The following FAF1 variants were observed in gnomAD, a reference collection of about 807,000 sequenced individuals.
The protein encoded by FAF1 is Fas associated factor 1, also known as FAS-associated factor 1.
A neutral mutation model predicts 92.5 loss-of-function variants in FAF1; 25 were observed. The ratio of observed to expected loss-of-function variants is 0.27; its 90% CI spans 0.20 to 0.38. FAF1 has a LOEUF of 0.38. Among genes scored for constraint, FAF1 ranks in the 10% least tolerant of loss-of-function variants. The pLI is 1.00. For synonymous variants in FAF1, 234 were observed against 273.2 expected (o/e 0.86, Z 1.42); for missense variants, 636 against 793.3 (o/e 0.80, Z 2.38).
intron 13 of FAF1, among the ~76,000 whole-genome samples, chr1:50,546,305 T>C (rs1649013344): frequency 6.6e-6 from 1 of 152,186 alleles, no homozygotes; most frequent in East Asian, 1.9e-4. Flanking sequence ...AAGGAAGGTA[T>C]TAAATTGTGT....
rs568007312 is a variant in FAF1 at position 50,732,046 on chromosome 1, G to T, written c.551+6817C>A. On this transcript the variant is annotated intron_variant, in intron 6 of 18. Coordinates refer to ENST00000396153, the MANE Select transcript of FAF1 (RefSeq NM_007051.3). ...AAAATCTTCTATAGCTGACAAAGAT[G>T]TATTGCTAAATACATTATTATTATT... Among the ~76,000 whole-genome samples, 5 of 151,938 alleles carry T rather than the reference G, an allele frequency of 3.3e-5. No individual in the cohort carries two copies. In the East Asian group the frequency reaches 9.7e-4, roughly 29 times the overall value.
At chr1:50,765,527 GA>G (rs889763702) in intron 4 of FAF1, among the ~76,000 whole-genome samples, 1 of 151,726 alleles carries the variant, frequency 6.6e-6, no homozygotes, top group African/African-American at 2.4e-5. Context: ...TCCATTCAGA[GA>G]AAAAAAATGT....
intron 5 of FAF1, among the ~76,000 whole-genome samples, chr1:50,741,227 A>T (rs1349849831): frequency 6.6e-6 from 1 of 152,180 alleles, no homozygotes. Flanking sequence ...AAAAAGAGAC[A>T]CCCATGTGAA....
At chr1:50,838,043 G>A (rs550885438) in intron 2 of FAF1, among the ~76,000 whole-genome samples, 21 of 152,094 alleles carry the variant, frequency 1.4e-4, no homozygotes, top group Middle Eastern at 6.8e-3. Flanking sequence ...GCGCCTGGCT[G>A]GATGCTCCTT....
At chr1:50,872,064 CAA>C (rs200142842) in intron 1 of FAF1, among the ~76,000 whole-genome samples, 2,495 of 65,436 alleles carry the variant, frequency 0.038, 53 homozygotes, top group African/African-American at 0.12. Flanking sequence ...GACTCCATCT[CAA>C]AAAAAAAAAA....
At chr1:50,739,113 A>G (rs780478489) in intron 5 of FAF1, among the ~76,000 whole-genome samples, 159 bp from the exon 6 acceptor site, 3 of 151,944 alleles carry the variant, frequency 2.0e-5, no homozygotes, top group African/African-American at 4.8e-5. Flanking sequence ...AATCCAAGTA[A>G]CCTTATTGCC....
intron 2 of FAF1, among the ~76,000 whole-genome samples, chr1:50,831,387 A>G (rs990399711): frequency 1.3e-5 from 2 of 152,126 alleles, no homozygotes; most frequent in African/African-American, 4.8e-5. Flanking sequence ...CAAATATAGA[A>G]TCTGTCTTCT....
At chr1:50,840,961 T>A (rs1055684336) in intron 2 of FAF1, among the ~76,000 whole-genome samples, 3 of 152,054 alleles carry the variant, frequency 2.0e-5, no homozygotes, top group African/African-American at 7.2e-5. Context: ...CTGGTACTGA[T>A]GCCACATACT....
At chr1:50,868,679 A>G (rs2124677771) in intron 1 of FAF1, among the ~76,000 whole-genome samples, 1 of 152,286 alleles carries the variant, frequency 6.6e-6, no homozygotes, top group African/African-American at 2.4e-5. Flanking sequence ...TGTATTTGGA[A>G]GAATGTTACT....
chr1:50,948,308 C>T (rs1645186469), intron 1 of FAF1, among the ~76,000 whole-genome samples: 1 of 152,144 alleles, frequency 6.6e-6, no homozygotes, highest in Non-Finnish European at 1.5e-5. Flanking sequence ...GTAATTTATA[C>T]AGAAAAGAGG....
At chr1:50,732,134 G>C (rs534265393) in intron 6 of FAF1, among the ~76,000 whole-genome samples, 170 of 152,150 alleles carry the variant, frequency 1.1e-3, no homozygotes, top group African/African-American at 3.7e-3. Context: ...GAGTGCAATA[G>C]CCCGATCTCA....
At chr1:50,764,606 G>A (rs1660492427) in intron 4 of FAF1, among the ~76,000 whole-genome samples, 1 of 152,164 alleles carries the variant, frequency 6.6e-6, no homozygotes, top group South Asian at 2.1e-4. Flanking sequence ...GGCTCACCTT[G>A]CTTGTTTCCC....
Position 50,744,701 on chromosome 1 carries a change from C to T in FAF1, c.442G>A (p.Gly148Arg), listed in dbSNP as rs1659518132. The T allele has an allele frequency of 6.2e-7, 1 of 1,607,244 alleles. No individual in the cohort carries two copies. The highest frequency in any genetic ancestry group is 1.3e-5 in the African/African-American group (1 of 74,692). The change falls in exon 5 of 19, where the codon GGA (glycine) becomes AGA (arginine). Residue 148 changes from glycine (G) to arginine (R), a missense_variant. Gly to Arg is a moderately radical substitution (Grantham distance 125). Transcript: ENST00000396153. ...SKMLLKGWKT[G>R]DVEDSTVLKS... ...AAACTCACACTGTCTTCCACATCTC[C>T]CGTCTTCCAGCCTTTTAACAGCATT...
chr1:50,550,878 A>G (rs1649279372), intron 13 of FAF1, among the ~76,000 whole-genome samples: 1 of 152,242 alleles, frequency 6.6e-6, no homozygotes, highest in Non-Finnish European at 1.5e-5. Context: ...TTATGATTCC[A>G]TATGTCAGAA....
In FAF1 at chr1:50,710,443, C is replaced by T. The variant is rs977017732; in HGVS notation, c.552-4552G>A. On this transcript the variant is annotated intron_variant, in intron 6 of 18. Coordinates refer to ENST00000396153, the MANE Select transcript of FAF1 (RefSeq NM_007051.3). ...TCACTACTTGCTAGTTCTTTGACCT[C>T]GACAAGTCATTCATTCTTTTTTTCC... Among the ~76,000 whole-genome samples, 7 of 152,080 alleles carry T rather than the reference C, an allele frequency of 4.6e-5. 1 individual carries two copies. The highest frequency in any genetic ancestry group is 1.3e-4 in the Admixed American group (2 of 15,262).
At chr1:50,659,741 A>T (rs1368595180) in intron 7 of FAF1, among the ~76,000 whole-genome samples, 1 of 152,234 alleles carries the variant, frequency 6.6e-6, no homozygotes, top group African/African-American at 2.4e-5. Flanking sequence ...ATTACAAACT[A>T]TACTGTATTT....
chr1:50,840,232 A>G (rs973406592), intron 2 of FAF1, among the ~76,000 whole-genome samples: 1 of 152,030 alleles, frequency 6.6e-6, no homozygotes, highest in Non-Finnish European at 1.5e-5. Flanking sequence ...ACGAAAGCAT[A>G]AACAATAAAA....
intron 8 of FAF1, among the ~76,000 whole-genome samples, chr1:50,626,354 A>G (rs1653498132): frequency 6.6e-6 from 1 of 152,220 alleles, no homozygotes; most frequent in African/African-American, 2.4e-5. Flanking sequence ...GGTATAAAAT[A>G]GGAAATAATC....
chr1:50,468,463 T>TA (rs1646528073), intron 18 of FAF1, among the ~76,000 whole-genome samples: 2 of 148,566 alleles, frequency 1.3e-5, no homozygotes, highest in South Asian at 4.3e-4. Flanking sequence ...TGGCTAATTT[T>TA]TTTTTTTTTT....
Sources: gnomAD v4.1 joint callset for allele counts (sites outside exome capture counted in the v4.1 genomes callset) on GRCh38, gnomAD v4.1.1 for gene constraint, MANE v1.5 for transcripts, NCBI Gene and HGNC (gene_info 2026-07-23, HGNC 2026-07-21) for gene names.